RHD: variants seen among roughly 807,000 people sequenced by gnomAD.
The protein encoded by RHD is Rh blood group D antigen.
Under a neutral mutation model 45.5 loss-of-function variants are expected in RHD, and 16 were observed. The ratio of observed to expected loss-of-function variants is 0.35; its 90% CI spans 0.24 to 0.53. The LOEUF is 0.53. RHD is among the 20% of genes least tolerant of loss of function. The pLI is 0.92. For synonymous variants in RHD, 131 were observed against 217.5 expected (o/e 0.60, Z 3.50); for missense variants, 306 against 532.0 (o/e 0.58, Z 4.18).
intron 8 of RHD, among the ~76,000 whole-genome samples, chr1:25,321,498 TAA>T (rs1214598540): frequency 1.4e-4 from 11 of 76,328 alleles, no homozygotes; most frequent in African/African-American, 3.8e-4. Context: ...CCATCTCTAC[TAA>T]AAAAAAAAAA....
rs1332198360 is a variant in RHD, at chr1:25,307,962, C to T, written c.1073+1233C>T. ...TTTCCTGTCTCTGGGCCTGAGAGTT[C>T]CCCTCTGAAAGATGAGGACTTGACC... On this transcript the variant is annotated intron_variant, in intron 7 of 9. Coordinates refer to ENST00000328664, the MANE Select transcript of RHD (RefSeq NM_016124.6). 17 of 719,570 alleles carry T rather than the reference C, an allele frequency of 2.4e-5. 3 individuals are homozygous for T. The African/African-American group carries it at 3.1e-4, about 13-fold the overall frequency. The allele number at this position is 719,570 out of a possible 1,614,324, so 44.6% of individuals were successfully genotyped here.
At position 25,305,999 on chromosome 1, in the gene RHD, G is replaced by A. The variant is rs190711314; in HGVS notation, c.940-597G>A. On this transcript the variant is annotated intron_variant, in intron 6 of 9. Transcript: ENST00000328664. ...ACATCTGCTGGCTCACGGCTGTGTG[G>A]GAGGCTGAGTGATGGGGAGGAAGGA... 1.2e-3 allele frequency among the ~76,000 whole-genome samples: 161 copies of A among 132,086 alleles called. 27 individuals are homozygous for A. The highest frequency in any genetic ancestry group is 4.1e-3 in the African/African-American group (159 of 38,314). 86.7% of individuals were successfully genotyped at this position (132,086 alleles called of 152,430 possible). A position where few individuals can be genotyped will look rare whatever the true frequency, so the allele number is the denominator to read the frequency against.
rs1174521434 is a variant in RHD, at chr1:25,297,458, A to G, written c.487-3488A>G. ...ACATCTTGTGAGGAGATAATTTCCT[A>G]TAGAAATCCTGTTGATCATCCAACT... On this transcript the variant is annotated intron_variant, in intron 3 of 9. Coordinates refer to ENST00000328664, the MANE Select transcript of RHD (RefSeq NM_016124.6). 4.5e-5 allele frequency among the ~76,000 whole-genome samples: 5 copies of G among 110,704 alleles called. 1 individual carries two copies. Among genetic ancestry groups the G allele is most frequent in the African/African-American group, 1.5e-4 (5 of 32,896 alleles). 72.6% of individuals were successfully genotyped at this position (110,704 alleles called of 152,430 possible). A position where few individuals can be genotyped will look rare whatever the true frequency, so the allele number is the denominator to read the frequency against.
rs1180537605 is a variant in RHD at position 25,282,785 on chromosome 1, C to A, written c.149-1788C>A. Among the ~76,000 whole-genome samples, 22 of 130,060 alleles carry A rather than the reference C, an allele frequency of 1.7e-4. 2 individuals are homozygous for A. Among genetic ancestry groups the A allele is most frequent in the Admixed American group, 3.7e-4 (5 of 13,344 alleles). The allele number at this position is 130,060 out of a possible 152,430, so 85.3% of individuals were successfully genotyped here. A position where few individuals can be genotyped will look rare whatever the true frequency, so the allele number is the denominator to read the frequency against. On this transcript the variant is annotated intron_variant, in intron 1 of 9. Coordinates refer to ENST00000328664, the MANE Select transcript of RHD (RefSeq NM_016124.6). ...CGCGCGCCTGTGGTTCCCACTGAAGCACAGGAGGCTGAAGCACAAGAATCA... is the reference window on the plus strand; with the variant it reads ...CGCGCGCCTGTGGTTCCCACTGAAGAACAGGAGGCTGAAGCACAAGAATCA...
Position 25,307,272 on chromosome 1 carries a change from G to A in RHD, c.1073+543G>A, listed in dbSNP as rs576285761. Among the ~76,000 whole-genome samples, 15 of 132,192 alleles carry A rather than the reference G, an allele frequency of 1.1e-4. 2 individuals carry two copies. The East Asian group carries it at 2.1e-3, about 19-fold the overall frequency. 86.7% of individuals were successfully genotyped at this position (132,192 alleles called of 152,430 possible). ...TGGGCCTTGGCTGAGGTCTCACTGC[G>A]AGGTGGGAATGTGGGCCTCCAGACC... On this transcript the variant is annotated intron_variant, in intron 7 of 9. Coordinates refer to ENST00000328664, the MANE Select transcript of RHD (RefSeq NM_016124.6).
In RHD at chr1:25,299,211, G is replaced by A. The variant is rs1381079097; in HGVS notation, c.487-1735G>A. On this transcript the variant is annotated intron_variant, in intron 3 of 9. Coordinates refer to ENST00000328664, the MANE Select transcript of RHD (RefSeq NM_016124.6). ...AGGCTGGGGAACATGGTGAAACCCC[G>A]TCTCTACTAAAAATACAAAAATTAG... is the stretch of plus-strand genomic sequence containing the variant. Among the ~76,000 whole-genome samples, 11 of 127,760 alleles carry A rather than the reference G, an allele frequency of 8.6e-5. 1 individual carries two copies. Among genetic ancestry groups the A allele is most frequent in the African/African-American group, 3.0e-4 (11 of 37,248 alleles). The allele number at this position is 127,760 out of a possible 152,430, so 83.8% of individuals were successfully genotyped here.
intron 7 of RHD, among the ~76,000 whole-genome samples, chr1:25,312,946 A>AAAAAAC (rs1557556952): frequency 9.1e-6 from 1 of 109,510 alleles, no homozygotes; most frequent in African/African-American, 3.0e-5. Flanking sequence ...AAAAAAAAAA[A>AAAAAAC]AAAAAAAAAC....
intron 3 of RHD, among the ~76,000 whole-genome samples, chr1:25,297,284 C>T (rs1643035796): frequency 1.1e-5 from 1 of 93,880 alleles, no homozygotes; most frequent in East Asian, 2.1e-4. Flanking sequence ...CTCCAAGAGC[C>T]GTGTGTGCCC....
chr1:25,276,453 G>C lies in RHD; in HGVS notation c.148+3758G>C, dbSNP rs1217579108. On this transcript the variant is annotated intron_variant, in intron 1 of 9. Coordinates refer to ENST00000328664, the MANE Select transcript of RHD (RefSeq NM_016124.6). ...AAAACACCCTGGCTGAGCATTTAGGGAGGCCAAGTGGGGAGGATCGCTTAA... is the reference window on the plus strand; with the variant it reads ...AAAACACCCTGGCTGAGCATTTAGGCAGGCCAAGTGGGGAGGATCGCTTAA... Among the ~76,000 whole-genome samples, 3 of 119,692 alleles carry C rather than the reference G, an allele frequency of 2.5e-5. No individual in the cohort carries two copies. In the East Asian group the frequency reaches 6.1e-4, roughly 24 times the overall value. The allele number at this position is 119,692 out of a possible 152,430, so 78.5% of individuals were successfully genotyped here. A position where few individuals can be genotyped will look rare whatever the true frequency, so the allele number is the denominator to read the frequency against.
At position 25,311,405 on chromosome 1, in the gene RHD, T is replaced by G. The variant is rs563269345; in HGVS notation, c.1073+4676T>G. Among the ~76,000 whole-genome samples, 278 of 130,018 alleles carry G rather than the reference T, an allele frequency of 2.1e-3. 72 individuals carry two copies. Among genetic ancestry groups the G allele is most frequent in the Non-Finnish European group, 4.1e-3 (226 of 54,780 alleles). 85.3% of individuals were successfully genotyped at this position (130,018 alleles called of 152,430 possible). A position where few individuals can be genotyped will look rare whatever the true frequency, so the allele number is the denominator to read the frequency against. On this transcript the variant is annotated intron_variant, in intron 7 of 9. Transcript: ENST00000328664. ...CCAGGCGTGGTGGTGGGCGCCTGTA[T>G]TCCCAGCTACCTGGGAGGCTGAGGC...
chr1:25,275,541 G>A (rs1008313876), intron 1 of RHD, among the ~76,000 whole-genome samples: 1 of 131,654 alleles, frequency 7.6e-6, no homozygotes, highest in Non-Finnish European at 1.8e-5. Flanking sequence ...TTCTGATGGT[G>A]TACACACGAT....
chr1:25,277,939 G>T (rs1641158332), intron 1 of RHD, among the ~76,000 whole-genome samples: 1 of 133,378 alleles, frequency 7.5e-6, no homozygotes, highest in Admixed American at 7.2e-5. Context: ...CTCCCAAAGT[G>T]CTGGGATTAC....
intron 7 of RHD, among the ~76,000 whole-genome samples, chr1:25,314,153 C>G (rs1164386366): frequency 7.5e-6 from 1 of 132,906 alleles, no homozygotes; most frequent in Non-Finnish European, 1.8e-5. Flanking sequence ...GCTTTAGTGG[C>G]TACTGCTAAA....
chr1:25,272,876 G>T (rs545679545), intron 1 of RHD, among the ~76,000 whole-genome samples, 181 bp downstream of exon 1: 1 of 131,908 alleles, frequency 7.6e-6, no homozygotes, highest in Admixed American at 7.4e-5. Flanking sequence ...TCCTTTAGAA[G>T]CAGCCTGGGC....
intron 7 of RHD, among the ~76,000 whole-genome samples, chr1:25,310,291 TA>T (rs1644071421): frequency 7.5e-6 from 1 of 133,090 alleles, no homozygotes; most frequent in Admixed American, 7.4e-5. Flanking sequence ...TAGGATTAGA[TA>T]AGGTCATGGG....
Position 25,290,640 on chromosome 1 carries a change from G to A in RHD, c.336-1G>A. On this transcript the variant is annotated splice_acceptor_variant, in intron 2 of 9. Transcript: ENST00000328664. LOFTEE classifies it high-confidence loss of function. ...GTCCTGGCTCTCCCTCTCTCCCCCAGTATTCGGCTGGCCACCATGAGTGCT... is the reference window on the plus strand; with the variant it reads ...GTCCTGGCTCTCCCTCTCTCCCCCAATATTCGGCTGGCCACCATGAGTGCT... 7.3e-7 allele frequency: 1 copy of A among 1,377,390 alleles called. No individual in the cohort carries two copies. The highest frequency in any genetic ancestry group is 1.0e-6 in the Non-Finnish European group (1 of 977,250). 85.3% of individuals were successfully genotyped at this position (1,377,390 alleles called of 1,614,324 possible). A position where few individuals can be genotyped will look rare whatever the true frequency, so the allele number is the denominator to read the frequency against.
chr1:25,275,160 C>T lies in RHD; in HGVS notation c.148+2465C>T, dbSNP rs370453627. ...CAAAAATTAGCCGGATGTGGTGGCA[C>T]GTGCCTGTAGTCCCAGCTGCTTGGG... On this transcript the variant is annotated intron_variant, in intron 1 of 9. Coordinates refer to ENST00000328664, the MANE Select transcript of RHD (RefSeq NM_016124.6). Among the ~76,000 whole-genome samples, 51 of 131,498 alleles carry T rather than the reference C, an allele frequency of 3.9e-4. 4 individuals are homozygous for T. In the East Asian group the frequency reaches 1.0e-2, roughly 26 times the overall value. 86.3% of individuals were successfully genotyped at this position (131,498 alleles called of 152,430 possible). A position where few individuals can be genotyped will look rare whatever the true frequency, so the allele number is the denominator to read the frequency against.
In RHD at chr1:25,307,810, T is replaced by C; in HGVS notation, c.1073+1081T>C. On this transcript the variant is annotated intron_variant, in intron 7 of 9. Coordinates refer to ENST00000328664, the MANE Select transcript of RHD (RefSeq NM_016124.6). ...AGCCCCAAATTATAGGGATCACATA[T>C]CAGTGGGTGAGACATCCTTGCTTGG... 2 of 1,301,692 alleles carry C rather than the reference T, an allele frequency of 1.5e-6. 1 individual carries two copies. Among genetic ancestry groups the C allele is most frequent in the Non-Finnish European group, 2.1e-6 (2 of 944,490 alleles). The allele number at this position is 1,301,692 out of a possible 1,614,324, so 80.6% of individuals were successfully genotyped here.
At chr1:25,296,761 C>T (rs1642993362) in intron 3 of RHD, among the ~76,000 whole-genome samples, 1 of 121,682 alleles carries the variant, frequency 8.2e-6, no homozygotes, top group Non-Finnish European at 2.0e-5. Flanking sequence ...TCTCTCTCAC[C>T]TGACACCACG....
Sources: gnomAD v4.1 joint callset for allele counts (sites outside exome capture counted in the v4.1 genomes callset) on GRCh38, gnomAD v4.1.1 for gene constraint, MANE v1.5 for transcripts, NCBI Gene and HGNC (gene_info 2026-07-23, HGNC 2026-07-21) for gene names.